The following TIAL1 variants were observed in gnomAD, a reference collection of about 807,000 sequenced individuals.
The protein encoded by TIAL1 is TIA1 cytotoxic granule associated RNA binding protein like 1, also known as nucleolysin TIAR.
Under a neutral mutation model 59.7 loss-of-function variants are expected in TIAL1, and 7 were observed. The ratio of observed to expected loss-of-function variants is 0.12; its 90% CI spans 0.07 to 0.22. The LOEUF (loss-of-function observed/expected upper bound fraction) is 0.22. TIAL1 is among the 10% of genes least tolerant of loss of function. The probability of loss-of-function intolerance (pLI) is 1.00; values close to 1 mark genes in which losing one functional copy is unlikely to be tolerated. For synonymous variants in TIAL1, 149 were observed against 146.3 expected (o/e 1.02, Z -0.13); for missense variants, 225 against 462.5 (o/e 0.49, Z 4.71).
At chr10:119,589,761 T>C (rs1464217747) in intron 1 of TIAL1, among the ~76,000 whole-genome samples, 1 of 152,256 alleles carries the variant, frequency 6.6e-6, no homozygotes, top group African/African-American at 2.4e-5. Context: ...TATGGATTTA[T>C]CTTAATTTAT....
chr10:119,582,601 T>C lies in TIAL1; in HGVS notation c.130-44A>G. The C allele has an allele frequency of 6.2e-7, 1 of 1,600,420 alleles. No homozygotes were observed. On this transcript the variant is annotated intron_variant, in intron 2 of 11. Coordinates refer to ENST00000436547, the MANE Select transcript of TIAL1 (RefSeq NM_003252.4). This position sits in a 1 kb window ranked among gnomAD's most constrained non-coding sequence, Gnocchi z 5.1. Reference sequence around the variant, plus strand: ...AACAGAAGAGTTGACCCTTCTGCTATCGGGTTGCTGAGAAGAAAATCCAGG... The same window carrying C: ...AACAGAAGAGTTGACCCTTCTGCTACCGGGTTGCTGAGAAGAAAATCCAGG...
Position 119,577,194 on chromosome 10 carries a change from G to T in TIAL1, c.747C>A (p.Thr249=), listed in dbSNP as rs1845040521. The change falls in exon 10 of 12, where the codon ACC becomes ACA. Residue 249 remains threonine (T), a synonymous_variant. Transcript: ENST00000436547. The part of the protein sequence containing the change: ...EKGYSFVRFS[T]HESAAHAIVS... ...CAATGGCATGGGCTGCACTTTCATG[G>T]GTTGAAAATCTAAGAAAGAAAAATG... 1 of 1,595,796 alleles carries T rather than the reference G, an allele frequency of 6.3e-7. No homozygotes were observed. The highest frequency in any genetic ancestry group is 1.8e-5 in the Admixed American group (1 of 54,136).
At chr10:119,594,076 A>T (rs553111991) in intron 1 of TIAL1, among the ~76,000 whole-genome samples, 2 of 151,900 alleles carry the variant, frequency 1.3e-5, no homozygotes, top group Non-Finnish European at 2.9e-5. Flanking sequence ...CTCTTAAAAA[A>T]AAAAAAAGGC....
At position 119,575,058 on chromosome 10, in the gene TIAL1, C is replaced by CA. The variant is rs1483497230; in HGVS notation, c.*606dup. On this transcript the variant is annotated 3_prime_UTR_variant, in exon 12 of 12. Transcript: ENST00000436547. ...ACCACCAACATTTGCTCAAGTAACT[C>CA]AAACAATGCTGTTCCTTTTTTAGGG... is the stretch of plus-strand genomic sequence containing the variant. 4 of 152,602 alleles carry CA rather than the reference C, an allele frequency of 2.6e-5. No homozygotes were observed. Among genetic ancestry groups the CA allele is most frequent in the African/African-American group, 9.7e-5 (4 of 41,446 alleles). The allele number at this position is 152,602 out of a possible 1,614,324, so 9.5% of individuals were successfully genotyped here. A position where few individuals can be genotyped will look rare whatever the true frequency, so the allele number is the denominator to read the frequency against.
At chr10:119,588,600 T>TC (rs1216622232) in intron 1 of TIAL1, among the ~76,000 whole-genome samples, 1 of 152,214 alleles carries the variant, frequency 6.6e-6, no homozygotes, top group African/African-American at 2.4e-5. Context: ...CGCCTTGGCC[T>TC]CCCAAAGTGC....
rs376542766 is a variant in TIAL1 at position 119,578,879 on chromosome 10, A to G, written c.448-45T>C. Reference sequence around the variant, plus strand: ...CACAATCACAAAGAAAAGAGTGATAAATAAGACTCTGTAAGATGAAATAAA... The same window carrying G: ...CACAATCACAAAGAAAAGAGTGATAGATAAGACTCTGTAAGATGAAATAAA... On this transcript the variant is annotated intron_variant, in intron 6 of 11. Coordinates refer to ENST00000436547, the MANE Select transcript of TIAL1 (RefSeq NM_003252.4). The G allele has an allele frequency of 2.3e-5, 33 of 1,411,020 alleles. No individual in the cohort carries two copies. The East Asian group carries it at 3.0e-4, about 13-fold the overall frequency. The allele number at this position is 1,411,020 out of a possible 1,614,324, so 87.4% of individuals were successfully genotyped here.
In TIAL1 at chr10:119,584,002, T is replaced by TC. The variant is rs1436794619; in HGVS notation, c.130-1446dup. Among the ~76,000 whole-genome samples the TC allele has an allele frequency of 3.0e-4, 46 of 152,296 alleles. 2 individuals are homozygous for TC. In the South Asian group the frequency reaches 5.0e-3, roughly 16 times the overall value. Reference sequence around the variant, plus strand: ...TAGTTGAGTTTTCCTTTCACTCCTATCTCTTTTGCCCCAATGGTCTCTAAG... The same window carrying TC: ...TAGTTGAGTTTTCCTTTCACTCCTATCCTCTTTTGCCCCAATGGTCTCTAAG... On this transcript the variant is annotated intron_variant, in intron 2 of 11. Transcript: ENST00000436547.
rs1845226974 is a variant in TIAL1 at position 119,580,014 on chromosome 10, T to C, written c.372-4A>G. ...GTCTTTAACTACCCGGGCATCCCTG[T>C]GAAAAGAAGCACAGCTAAATGAGGG... is the stretch of plus-strand genomic sequence containing the variant. On this transcript the variant is annotated splice_polypyrimidine_tract_variant and splice_region_variant and intron_variant, in intron 5 of 11. Transcript: ENST00000436547. The C allele has an allele frequency of 6.2e-7, 1 of 1,608,924 alleles. No individual in the cohort carries two copies. The highest frequency in any genetic ancestry group is 8.5e-7 in the Non-Finnish European group (1 of 1,177,976).
chr10:119,589,977 C>T (rs1044527087), intron 1 of TIAL1, among the ~76,000 whole-genome samples: 12 of 152,254 alleles, frequency 7.9e-5, no homozygotes, highest in African/African-American at 2.4e-4. Flanking sequence ...TGCAACATAG[C>T]TGCCACATTA....
Position 119,582,740 on chromosome 10 carries a change from C to A in TIAL1, c.130-183G>T. The A allele has an allele frequency of 1.3e-6, 1 of 792,488 alleles. No individual in the cohort carries two copies. The highest frequency in any genetic ancestry group is 1.8e-6 in the Non-Finnish European group (1 of 550,894). 49.1% of individuals were successfully genotyped at this position (792,488 alleles called of 1,614,324 possible). On this transcript the variant is annotated intron_variant, in intron 2 of 11. Coordinates refer to ENST00000436547, the MANE Select transcript of TIAL1 (RefSeq NM_003252.4). The surrounding 1 kb of genome is among the most constrained non-coding windows in gnomAD (Gnocchi z 5.1). ...AAACCTGACTTTGCACCTCAGAATA[C>A]TGCTGAACTCAAACGGAACTATAAA...
chr10:119,578,908 T>G (rs996196655), intron 6 of TIAL1, 74 bp from the exon 7 acceptor site: 5 of 1,137,874 alleles, frequency 4.4e-6, no homozygotes, highest in Non-Finnish European at 6.5e-6. Context: ...AAATAAAATA[T>G]CGGCGCTGCT....
At chr10:119,585,595 A>C (rs1431471642) in intron 2 of TIAL1, among the ~76,000 whole-genome samples, 1 of 152,196 alleles carries the variant, frequency 6.6e-6, no homozygotes, top group Non-Finnish European at 1.5e-5. Flanking sequence ...GATGTTATGA[A>C]AATTCATTTC....
chr10:119,576,799 A>G lies in TIAL1; in HGVS notation c.862-49T>C, dbSNP rs760592419. On this transcript the variant is annotated intron_variant, in intron 10 of 11. Coordinates refer to ENST00000436547, the MANE Select transcript of TIAL1 (RefSeq NM_003252.4). ...TTAGGGAACACATAAGAAACACCGT[A>G]TATGAAGAAAGAGTGGGAGACAAGG... is the stretch of plus-strand genomic sequence containing the variant. The G allele has an allele frequency of 7.5e-6, 12 of 1,599,682 alleles. No individual in the cohort carries two copies. In the South Asian group the frequency reaches 1.0e-4, roughly 14 times the overall value.
Position 119,576,889 on chromosome 10 carries a change from T to TA in TIAL1, c.862-140dup. 2.2e-6 allele frequency: 3 copies of TA among 1,375,614 alleles called. No homozygotes were observed. In the South Asian group the frequency reaches 4.2e-5, roughly 19 times the overall value. 85.2% of individuals were successfully genotyped at this position (1,375,614 alleles called of 1,614,324 possible). A position where few individuals can be genotyped will look rare whatever the true frequency, so the allele number is the denominator to read the frequency against. On this transcript the variant is annotated intron_variant, in intron 10 of 11. Transcript: ENST00000436547. ...TCTGTTATTTATCATTGTCTAAGTT[T>TA]ATTGGGGTGGTGACACCTGTGAAAA... is the stretch of plus-strand genomic sequence containing the variant.
At position 119,596,553 on chromosome 10, in the gene TIAL1, G is replaced by A. The variant is rs1413740632; in HGVS notation, c.-88C>T. On this transcript the variant is annotated 5_prime_UTR_variant, in exon 1 of 12. Transcript: ENST00000436547. The stretch of plus-strand genomic sequence containing the variant: ...GGGGAGGAAGGGGAGGGGGGCTCTG[G>A]GCACCGGCTGGGGACAGAGGAAAAG... 1 of 957,300 alleles carries A rather than the reference G, an allele frequency of 1.0e-6. No individual in the cohort carries two copies. The highest frequency in any genetic ancestry group is 1.6e-6 in the Non-Finnish European group (1 of 642,536). The allele number at this position is 957,300 out of a possible 1,614,324, so 59.3% of individuals were successfully genotyped here. A position where few individuals can be genotyped will look rare whatever the true frequency, so the allele number is the denominator to read the frequency against.
chr10:119,580,663 A>C, intron 5 of TIAL1: 2 of 995,646 alleles, frequency 2.0e-6, no homozygotes, highest in Non-Finnish European at 2.4e-6. Flanking sequence ...GAGTAAGTTA[A>C]ATGATTGGAA....
At chr10:119,595,211 T>C (rs1025266452) in intron 1 of TIAL1, among the ~76,000 whole-genome samples, 4 of 152,242 alleles carry the variant, frequency 2.6e-5, no homozygotes, top group Non-Finnish European at 5.9e-5. Context: ...GATGTGAAGC[T>C]AGTCAAACTT....
rs779482501 is a variant in TIAL1, at chr10:119,581,904, A to G, written c.371+18T>C. 1 of 1,576,216 alleles carries G rather than the reference A, an allele frequency of 6.3e-7. No individual in the cohort carries two copies. Among genetic ancestry groups the G allele is most frequent in the Admixed American group, 1.7e-5 (1 of 59,946 alleles). ...TCTGCCTATCATGACTGAGTGTAGT[A>G]CTGATTATGATACTTACGATATTTT... On this transcript the variant is annotated intron_variant, in intron 5 of 11. Transcript: ENST00000436547.
chr10:119,590,641 C>CAG (rs1845802693), intron 1 of TIAL1, among the ~76,000 whole-genome samples: 1 of 151,736 alleles, frequency 6.6e-6, no homozygotes, highest in African/African-American at 2.4e-5. Context: ...ACCTGGGAGG[C>CAG]AGAGGTTGCA....
Sources: allele counts gnomAD v4.1 joint callset (sites outside exome capture counted in the v4.1 genomes callset), GRCh38; gene constraint gnomAD v4.1.1; non-coding constraint Gnocchi (gnomAD v3.1); transcripts MANE v1.5; gene names NCBI Gene and HGNC (gene_info 2026-07-23, HGNC 2026-07-21).